The following EMSY variants were observed in gnomAD, a reference collection of about 807,000 sequenced individuals.
The protein encoded by EMSY is EMSY transcriptional repressor, BRCA2 interacting, also known as BRCA2-interacting transcriptional repressor EMSY.
In EMSY, 26 loss-of-function variants were observed where a neutral mutation model predicts 134.6. That is an observed-to-expected ratio of 0.19 (90% CI 0.14 to 0.27). The LOEUF (loss-of-function observed/expected upper bound fraction) is 0.27. Among genes scored for constraint, EMSY ranks in the 10% least tolerant of loss-of-function variants. The pLI, the probability that EMSY is intolerant of heterozygous loss-of-function variation, is 1.00. For missense variants in EMSY, 1,305 were observed against 1,611.4 expected (o/e 0.81, Z 3.26); for synonymous variants, 579 against 577.8 (o/e 1.00, Z -0.03).
chr11:76,538,034 A>G, intron 16 of EMSY, 84 bp downstream of exon 17: 1 of 1,187,096 alleles, frequency 8.4e-7, no homozygotes, highest in South Asian at 2.1e-5. Flanking sequence ...GGGAGAATAT[A>G]TTCTTTATAT....
intron 2 of EMSY, among the ~76,000 whole-genome samples, chr11:76,449,481 T>C (rs939267276): frequency 1.3e-4 from 20 of 152,350 alleles, no homozygotes; most frequent in African/African-American, 4.6e-4. Flanking sequence ...TCTGAAGTAA[T>C]GTCTTGATCA....
At chr11:76,536,367 A>G (rs1294790762) in intron 15 of EMSY, among the ~76,000 whole-genome samples, 1 of 152,162 alleles carries the variant, frequency 6.6e-6, no homozygotes, top group South Asian at 2.1e-4. Context: ...TTAGCACTAG[A>G]AAGGAGTAGT....
intron 20 of EMSY, chr11:76,547,012 T>C (rs1288898086): frequency 2.3e-6 from 1 of 443,584 alleles, no homozygotes. Flanking sequence ...AAATCATCTC[T>C]TGTCATGCAT....
chr11:76,458,594 C>T (rs910541902), intron 5 of EMSY: 2 of 354,366 alleles, frequency 5.6e-6, no homozygotes, highest in Admixed American at 4.6e-5. Flanking sequence ...GCAAAAACCT[C>T]GGAATAGATT....
chr11:76,488,720 A>G (rs1446206016), intron 8 of EMSY, among the ~76,000 whole-genome samples: 1 of 152,180 alleles, frequency 6.6e-6, no homozygotes, highest in Non-Finnish European at 1.5e-5. Context: ...GGGAGGCTCA[A>G]GTTAGGCATT....
chr11:76,453,346 G>A (rs2134870848), exon 4 of EMSY: 1 of 1,612,878 alleles, frequency 6.2e-7, no homozygotes, highest in Non-Finnish European at 8.5e-7. Flanking sequence ...GCTGAAGTTC[G>A]GAGAGCAGTA....
At chr11:76,479,823 A>G (rs79041271) in intron 8 of EMSY, among the ~76,000 whole-genome samples, 1,732 of 152,348 alleles carry the variant, frequency 0.011, 32 homozygotes, top group East Asian at 0.059. Flanking sequence ...CACTGCACAA[A>G]GCTAAAAATG....
In EMSY at chr11:76,526,715, A is replaced by G; in HGVS notation, c.1995+80A>G. ...TAATTCCCGGGTAGAAATTTGAAGG[A>G]AAAGATCAGCAATCTTTAAGAAATC... is the stretch of plus-strand genomic sequence containing the variant. On this transcript the variant is annotated intron_variant, in intron 13 of 20. Transcript: ENST00000334736. 6.1e-6 allele frequency: 8 copies of G among 1,317,416 alleles called. No individual in the cohort carries two copies. The Admixed American group carries it at 1.3e-4, about 22-fold the overall frequency. 81.6% of individuals were successfully genotyped at this position (1,317,416 alleles called of 1,614,324 possible).
chr11:76,510,977 A>G (rs1414618021), intron 9 of EMSY, among the ~76,000 whole-genome samples: 1 of 151,972 alleles, frequency 6.6e-6, no homozygotes, highest in African/African-American at 2.4e-5. Flanking sequence ...TTCATTTATT[A>G]TTTGCCCTTG....
At chr11:76,480,023 A>C (rs549227181) in intron 8 of EMSY, among the ~76,000 whole-genome samples, 1 of 152,228 alleles carries the variant, frequency 6.6e-6, no homozygotes, top group African/African-American at 2.4e-5. Context: ...AGTTTTAAAA[A>C]TTTGTGGTGA....
chr11:76,512,752 C>G (rs912762068), intron 9 of EMSY, among the ~76,000 whole-genome samples: 1 of 151,284 alleles, frequency 6.6e-6, no homozygotes, highest in Non-Finnish European at 1.5e-5. Context: ...AATCACCACC[C>G]TAGCACTTTA....
chr11:76,475,119 A>G (rs1948726055), intron 8 of EMSY, among the ~76,000 whole-genome samples: 2 of 152,180 alleles, frequency 1.3e-5, no homozygotes, highest in African/African-American at 2.4e-5. Flanking sequence ...GGTTACAAAC[A>G]TGTTCCGAAT....
chr11:76,529,519 A>G (rs560521731), intron 14 of EMSY, among the ~76,000 whole-genome samples: 20 of 152,176 alleles, frequency 1.3e-4, no homozygotes, highest in African/African-American at 2.4e-5. Context: ...CCTACAGAAG[A>G]GTACAATATA....
exon 19 of EMSY, chr11:76,544,765 A>C (rs939576198): frequency 1.2e-6 from 2 of 1,614,080 alleles, no homozygotes; most frequent in African/African-American, 2.7e-5. Context: ...TGCAACCCCA[A>C]ACCCCCCAGA....
At chr11:76,467,530 CTT>C (rs1565286224) in intron 7 of EMSY, among the ~76,000 whole-genome samples, 1 of 152,156 alleles carries the variant, frequency 6.6e-6, no homozygotes, top group Non-Finnish European at 1.5e-5. Flanking sequence ...AGGGTAGAGA[CTT>C]TGTCTTATTC....
At chr11:76,550,985 A>G (rs1350800397) in exon 21 of EMSY, 1 of 152,806 alleles carries the variant, frequency 6.5e-6, no homozygotes, top group African/African-American at 2.4e-5. Context: ...TTTCAGACCT[A>G]AAGGAAATGT....
intron 8 of EMSY, among the ~76,000 whole-genome samples, chr11:76,486,782 A>G (rs1350558159): frequency 1.3e-5 from 2 of 152,214 alleles, no homozygotes; most frequent in Non-Finnish European, 2.9e-5. Context: ...TGAAATAGCC[A>G]AAATGGTTCT....
intron 4 of EMSY, among the ~76,000 whole-genome samples, chr11:76,456,466 G>A (rs981983170): frequency 6.7e-6 from 1 of 150,034 alleles, no homozygotes; most frequent in African/African-American, 2.5e-5. Flanking sequence ...TAATTTGTGT[G>A]GTAAACTCTC....
At chr11:76,488,803 T>C (rs1490613953) in intron 8 of EMSY, among the ~76,000 whole-genome samples, 2 of 152,218 alleles carry the variant, frequency 1.3e-5, no homozygotes, top group East Asian at 1.9e-4. Flanking sequence ...TGGGTAACTC[T>C]TGGGGCTTTT....
Sources: gnomAD v4.1 joint callset for allele counts (sites outside exome capture counted in the v4.1 genomes callset) on GRCh38, gnomAD v4.1.1 for gene constraint, MANE v1.5 for transcripts, NCBI Gene and HGNC (gene_info 2026-07-23, HGNC 2026-07-21) for gene names.